MARCHF8: variants seen among roughly 807,000 people sequenced by gnomAD.
MARCHF8 encodes the protein membrane associated ring-CH-type finger 8, also known as E3 ubiquitin-protein ligase MARCHF8.
A neutral mutation model predicts 51.6 loss-of-function variants in MARCHF8; 40 were observed. The ratio of observed to expected loss-of-function variants is 0.77; its 90% CI spans 0.60 to 1.01. The LOEUF is 1.01. MARCHF8 is among the 50% of genes least tolerant of loss of function. MARCHF8 has a pLI of 0.00. For missense variants in MARCHF8, 685 were observed against 708.6 expected (o/e 0.97, Z 0.38); for synonymous variants, 263 against 280.3 (o/e 0.94, Z 0.62).
intron 2 of MARCHF8, among the ~76,000 whole-genome samples, chr10:45,519,403 A>T (rs1190236762): frequency 6.6e-6 from 1 of 151,480 alleles, no homozygotes. Flanking sequence ...GACATAAGGG[A>T]AGGTTTGGGA....
rs1371005422 is a variant in MARCHF8 at position 45,463,301 on chromosome 10, A to T, written c.938T>A (p.Phe313Tyr). The T allele has an allele frequency of 6.4e-7, 1 of 1,550,888 alleles. No individual in the cohort carries two copies. The highest frequency in any genetic ancestry group is 2.4e-5 in the East Asian group (1 of 40,930). Residue 313 changes from phenylalanine (F) to tyrosine (Y), a missense_variant, in exon 5 of 8, where the codon TTT becomes TAT. Transcript: ENST00000453424. ...CAGTTTTGCAGATGTGCTGTCCTCA[A>T]AGACATCGTCGTCTCCCATCTCGTC... ...CSDEMGDDDV[F>Y]EDSTSAKLKS... is the part of the protein sequence containing the mutation.
intron 2 of MARCHF8, among the ~76,000 whole-genome samples, chr10:45,520,973 A>G (rs1359460020): frequency 6.6e-6 from 1 of 152,234 alleles, no homozygotes; most frequent in Non-Finnish European, 1.5e-5. Flanking sequence ...GTTCAAAGGT[A>G]TATTGCTTTC....
chr10:45,495,804 G>A (rs542185913), intron 2 of MARCHF8, among the ~76,000 whole-genome samples: 1 of 146,820 alleles, frequency 6.8e-6, no homozygotes, highest in South Asian at 2.2e-4. Flanking sequence ...GCAGGAAGGT[G>A]GGGAGGGGAG....
chr10:45,533,660 C>T (rs758475018), intron 1 of MARCHF8, among the ~76,000 whole-genome samples: 13 of 152,128 alleles, frequency 8.5e-5, no homozygotes, highest in Non-Finnish European at 1.2e-4. Flanking sequence ...AGTGATCTTT[C>T]CTTAAAACCA....
chr10:45,518,664 A>C (rs971771001), intron 2 of MARCHF8, among the ~76,000 whole-genome samples: 1 of 152,212 alleles, frequency 6.6e-6, no homozygotes, highest in East Asian at 1.9e-4. Flanking sequence ...GAGCTTCCTC[A>C]ACTCCTAACA....
At chr10:45,567,656 T>C (rs912539674) in intron 1 of MARCHF8, among the ~76,000 whole-genome samples, 5 of 152,212 alleles carry the variant, frequency 3.3e-5, no homozygotes, top group Non-Finnish European at 5.9e-5. Flanking sequence ...TCTGTTTTCA[T>C]GCCAGTACCA....
At chr10:45,517,326 T>G (rs1360258033) in intron 2 of MARCHF8, among the ~76,000 whole-genome samples, 1 of 152,214 alleles carries the variant, frequency 6.6e-6, no homozygotes, top group Non-Finnish European at 1.5e-5. Flanking sequence ...ATAGTTTGGA[T>G]ATTTGTCTCC....
chr10:45,464,780 T>C (rs1187080163), intron 3 of MARCHF8, among the ~76,000 whole-genome samples: 1 of 152,112 alleles, frequency 6.6e-6, no homozygotes, highest in African/African-American at 2.4e-5. Flanking sequence ...CACAACCTCA[T>C]ACATAGTGCC....
intron 3 of MARCHF8, among the ~76,000 whole-genome samples, chr10:45,475,586 G>C (rs974657784): frequency 6.6e-6 from 1 of 152,114 alleles, no homozygotes; most frequent in Admixed American, 6.5e-5. Flanking sequence ...ATTTGGGCCT[G>C]AAGACTGGTT....
At chr10:45,491,072 T>C (rs2043072481) in intron 2 of MARCHF8, among the ~76,000 whole-genome samples, 2 of 152,186 alleles carry the variant, frequency 1.3e-5, no homozygotes, top group Non-Finnish European at 1.5e-5. Context: ...TCTGACTAAG[T>C]ATTTTTTATA....
intron 5 of MARCHF8, among the ~76,000 whole-genome samples, chr10:45,462,612 CTTTT>C (rs966206017): frequency 3.5e-5 from 5 of 143,298 alleles, no homozygotes; most frequent in South Asian, 2.2e-4. Context: ...GCTTCTTCCT[CTTTT>C]TTTTTTTGTT....
chr10:45,482,900 C>G (rs1564476613), intron 3 of MARCHF8, among the ~76,000 whole-genome samples: 1 of 152,074 alleles, frequency 6.6e-6, no homozygotes, highest in African/African-American at 2.4e-5. Context: ...GAAAGGATAC[C>G]CTCTCAATAA....
chr10:45,504,863 A>G (rs770852519), intron 2 of MARCHF8, among the ~76,000 whole-genome samples: 19 of 152,186 alleles, frequency 1.2e-4, no homozygotes, highest in Admixed American at 6.5e-4. Context: ...TATTTCCCTT[A>G]CTGCGTCCCT....
chr10:45,594,762 G>A (rs1564527580), exon 1 of MARCHF8: 1 of 152,306 alleles, frequency 6.6e-6, no homozygotes, highest in Non-Finnish European at 1.5e-5. Flanking sequence ...GAGGCCGCAG[G>A]AGTTACCTCA....
intron 2 of MARCHF8, among the ~76,000 whole-genome samples, chr10:45,516,538 T>TG (rs902428363): frequency 8.6e-5 from 13 of 152,032 alleles, no homozygotes; most frequent in Non-Finnish European, 1.8e-4. Flanking sequence ...CCAAGGTGGG[T>TG]GGATCACCTG....
intron 2 of MARCHF8, among the ~76,000 whole-genome samples, chr10:45,512,738 T>C (rs955902183): frequency 6.6e-5 from 10 of 152,036 alleles, no homozygotes; most frequent in Admixed American, 6.5e-4. Context: ...CAACAGCTCA[T>C]TGAGAACGGG....
intron 1 of MARCHF8, among the ~76,000 whole-genome samples, chr10:45,583,409 A>G (rs1039567535): frequency 6.6e-6 from 1 of 152,194 alleles, no homozygotes; most frequent in South Asian, 2.1e-4. Context: ...AGATATATAT[A>G]TGAGAATGAT....
At chr10:45,510,620 A>G (rs1468751167) in intron 2 of MARCHF8, among the ~76,000 whole-genome samples, 1 of 152,194 alleles carries the variant, frequency 6.6e-6, no homozygotes, top group East Asian at 1.9e-4. Flanking sequence ...ATGCATCAAT[A>G]TTTGTCTTCA....
At chr10:45,578,345 A>G (rs1048348430) in intron 1 of MARCHF8, among the ~76,000 whole-genome samples, 1 of 152,252 alleles carries the variant, frequency 6.6e-6, no homozygotes, top group Non-Finnish European at 1.5e-5. Context: ...GAAAGAGTTT[A>G]CACAGACCAA....
Sources: gnomAD v4.1 joint callset for allele counts (sites outside exome capture counted in the v4.1 genomes callset) on GRCh38, gnomAD v4.1.1 for gene constraint, MANE v1.5 for transcripts, NCBI Gene and HGNC (gene_info 2026-07-23, HGNC 2026-07-21) for gene names.